Variants in DCX observed in about 807,000 individuals in gnomAD.
DCX encodes neuronal migration protein doublecortin.
A neutral mutation model predicts 20.9 loss-of-function variants in DCX; 4 were observed. The ratio of observed to expected loss-of-function variants is 0.19; its 90% CI spans 0.09 to 0.44. DCX has a LOEUF of 0.44. Ranked by LOEUF, DCX falls within the 20% of genes least tolerant of loss-of-function variation. The pLI is 0.99. For missense variants in DCX, 133 were observed against 296.9 expected (o/e 0.45, Z 4.06); for synonymous variants, 103 against 111.4 (o/e 0.92, Z 0.47).
At chrX:111,318,263 G>T (rs749117927) in intron 5 of DCX, among the ~76,000 whole-genome samples, 1 of 106,110 alleles carries the variant, frequency 9.4e-6, no homozygotes, top group East Asian at 2.9e-4. Context: ...TGCACTGCTA[G>T]TGGGAGTGTA....
chrX:111,303,493 T>C (rs1235100063), intron 6 of DCX, among the ~76,000 whole-genome samples: 1 of 111,407 alleles, frequency 9.0e-6, no homozygotes, highest in Non-Finnish European at 1.9e-5. Context: ...GACTTATTTA[T>C]TTAACATTGG....
rs959513545 is a variant in DCX, at chrX:111,297,707, C to G, written c.*3980G>C. The G allele has an allele frequency of 1.8e-5, 2 of 111,399 alleles. No individual in the cohort carries two copies. Among genetic ancestry groups the G allele is most frequent in the African/African-American group, 3.3e-5 (1 of 30,512 alleles). 9.2% of individuals were successfully genotyped at this position (111,399 alleles called of 1,213,427 possible). ...ATACCCCCTTAGTTCCCAGGAAGAGCCTTGCAGCAAGGAAAACCATGTGTT... is the reference window on the plus strand; with the variant it reads ...ATACCCCCTTAGTTCCCAGGAAGAGGCTTGCAGCAAGGAAAACCATGTGTT... On this transcript the variant is annotated 3_prime_UTR_variant, in exon 7 of 7. Coordinates refer to ENST00000636035, the MANE Select transcript of DCX (RefSeq NM_001195553.2).
Position 111,364,573 on chromosome X carries a change from C to G in DCX, c.706-31420G>C, listed in dbSNP as rs148722394. Among the ~76,000 whole-genome samples, 443 of 111,602 alleles carry G rather than the reference C, an allele frequency of 4.0e-3. 3 individuals are homozygous for G. The highest frequency in any genetic ancestry group is 0.013 in the African/African-American group (414 of 30,697). ...AAACCAGCATTTTTTAATTTCCATA[C>G]CTACTCTAGAACACCTTTGCAAGCA... On this transcript the variant is annotated intron_variant, in intron 3 of 6. Transcript: ENST00000636035.
intron 3 of DCX, among the ~76,000 whole-genome samples, chrX:111,356,672 G>T (rs1923760639): frequency 9.0e-6 from 1 of 111,687 alleles, no homozygotes; most frequent in African/African-American, 3.3e-5. Context: ...TTGAAGTGAG[G>T]AGTCAATTAT....
chrX:111,358,677 T>G (rs760725557), intron 3 of DCX, among the ~76,000 whole-genome samples: 8 of 111,874 alleles, frequency 7.2e-5, no homozygotes, highest in Non-Finnish European at 1.3e-4. Context: ...AAGAAAAAAT[T>G]ATCACATCTT....
At chrX:111,385,789 GAAGGA>G (rs1926429967) in intron 3 of DCX, among the ~76,000 whole-genome samples, 2 of 41,500 alleles carry the variant, frequency 4.8e-5, no homozygotes, top group African/African-American at 2.6e-4. Context: ...GGGAGGGAAG[GAAGGA>G]AGGAAGGAAG....
intron 2 of DCX, among the ~76,000 whole-genome samples, chrX:111,406,380 A>G (rs1171901731): frequency 8.9e-6 from 1 of 112,101 alleles, no homozygotes; most frequent in Non-Finnish European, 1.9e-5. Context: ...AATCATTATT[A>G]TTATTATTTC....
intron 2 of DCX, among the ~76,000 whole-genome samples, chrX:111,407,798 A>G (rs1004696357): frequency 1.5e-5 from 1 of 67,014 alleles, no homozygotes; most frequent in Admixed American, 2.1e-4. Flanking sequence ...TGATACATCA[A>G]TACGCACACA....
chrX:111,385,642 C>A (rs763745346), intron 3 of DCX, among the ~76,000 whole-genome samples: 51 of 105,097 alleles, frequency 4.9e-4, no homozygotes, highest in South Asian at 2.2e-3. Context: ...GGCAATAGAG[C>A]GAGAATCTGT....
chrX:111,401,952 T>C (rs1258449381), intron 2 of DCX, among the ~76,000 whole-genome samples: 1 of 112,421 alleles, frequency 8.9e-6, no homozygotes, highest in Non-Finnish European at 1.9e-5. Context: ...GTTGAATGTT[T>C]ATATGTGTGT....
chrX:111,321,708 C>T (rs1250497605), intron 5 of DCX, among the ~76,000 whole-genome samples: 1 of 111,240 alleles, frequency 9.0e-6, no homozygotes, highest in Non-Finnish European at 1.9e-5. Flanking sequence ...ACTGTGGATA[C>T]CCTTGTCTGG....
At chrX:111,398,204 A>G in intron 3 of DCX, among the ~76,000 whole-genome samples, 1 of 110,258 alleles carries the variant, frequency 9.1e-6, no homozygotes, top group Admixed American at 9.7e-5. Context: ...CTTCTGAAAG[A>G]CCTAAGGATA....
intron 2 of DCX, among the ~76,000 whole-genome samples, chrX:111,404,044 C>T (rs933429131): frequency 1.3e-4 from 2 of 15,820 alleles, no homozygotes; most frequent in Admixed American, 2.0e-3. Flanking sequence ...AGTGAGATTC[C>T]GTCTTAAAAT....
chrX:111,385,026 A>G (rs1322942891), intron 3 of DCX, among the ~76,000 whole-genome samples: 1 of 112,648 alleles, frequency 8.9e-6, no homozygotes, highest in Non-Finnish European at 1.9e-5. Context: ...CTTTTCCACA[A>G]TTTATTCCTG....
chrX:111,313,167 C>G (rs994749571), intron 5 of DCX, among the ~76,000 whole-genome samples: 1 of 110,782 alleles, frequency 9.0e-6, no homozygotes, highest in African/African-American at 3.3e-5. Context: ...CAATTTGGAC[C>G]AGTGCACATT....
At chrX:111,309,661 A>G (rs1436714623) in intron 6 of DCX, among the ~76,000 whole-genome samples, 1 of 111,818 alleles carries the variant, frequency 8.9e-6, no homozygotes, top group Non-Finnish European at 1.9e-5. Context: ...TCACAGAGAA[A>G]CATCAGACAA....
At chrX:111,403,237 A>G (rs952191202) in intron 2 of DCX, among the ~76,000 whole-genome samples, 8 of 111,928 alleles carry the variant, frequency 7.1e-5, no homozygotes, top group Non-Finnish European at 1.3e-4. Flanking sequence ...GTTTTCCATA[A>G]CTTGTCATGT....
intron 3 of DCX, among the ~76,000 whole-genome samples, chrX:111,355,746 A>G (rs181651010): frequency 8.9e-6 from 1 of 111,839 alleles, no homozygotes; most frequent in African/African-American, 3.2e-5. Context: ...GGGCCATCCA[A>G]AATGCTTATT....
At chrX:111,308,359 T>A (rs998551698) in intron 6 of DCX, among the ~76,000 whole-genome samples, 1 of 111,487 alleles carries the variant, frequency 9.0e-6, no homozygotes, top group African/African-American at 3.3e-5. Context: ...CTAGTTTGGG[T>A]TTTCTATTTC....
Sources: allele counts gnomAD v4.1 joint callset (sites outside exome capture counted in the v4.1 genomes callset), GRCh38; gene constraint gnomAD v4.1.1; transcripts MANE v1.5; gene names NCBI Gene and HGNC (gene_info 2026-07-23, HGNC 2026-07-21).